FHIT: variants seen among roughly 807,000 people sequenced by gnomAD.
FHIT encodes the protein bis(5'-adenosyl)-triphosphatase.
A neutral mutation model predicts 17.9 loss-of-function variants in FHIT; 19 were observed. That is an observed-to-expected ratio of 1.06 (90% CI 0.74 to 1.56). FHIT has a LOEUF of 1.56. Among genes scored for constraint, FHIT ranks in the 40% most tolerant of loss-of-function variants. FHIT has a pLI of 0.00. For synonymous variants in FHIT, 81 were observed against 69.7 expected, an observed-to-expected ratio of 1.16 and a Z score of -0.81; for missense variants, 248 against 189.2, an observed-to-expected ratio of 1.31 and a Z score of -1.82.
chr3:60,734,752 C>T (rs2042102063), intron 4 of FHIT, among the ~76,000 whole-genome samples: 1 of 152,212 alleles, frequency 6.6e-6, no homozygotes. Context: ...ACAATGCTTC[C>T]ACTTTAATGC....
chr3:60,792,880 A>T (rs1230570229), intron 4 of FHIT, among the ~76,000 whole-genome samples: 1 of 151,854 alleles, frequency 6.6e-6, no homozygotes, highest in Non-Finnish European at 1.5e-5. Flanking sequence ...TTTTGTCAAA[A>T]TGAGCCCCAG....
intron 8 of FHIT, among the ~76,000 whole-genome samples, chr3:59,863,238 G>A (rs1002021745): frequency 6.6e-6 from 1 of 152,196 alleles, no homozygotes; most frequent in Non-Finnish European, 1.5e-5. Context: ...GAACATCAGA[G>A]GGACGTTTCA....
intron 8 of FHIT, among the ~76,000 whole-genome samples, chr3:59,889,359 T>A (rs1446444976): frequency 1.3e-5 from 2 of 152,176 alleles, no homozygotes; most frequent in Non-Finnish European, 2.9e-5. Context: ...TTTGCCTTCT[T>A]AACTGGATTC....
At chr3:60,013,080 G>C (rs760969452) in intron 6 of FHIT, among the ~76,000 whole-genome samples, 3 of 152,102 alleles carry the variant, frequency 2.0e-5, no homozygotes, top group Non-Finnish European at 4.4e-5. Flanking sequence ...TCTTAACACA[G>C]ACATGGCAGC....
intron 5 of FHIT, among the ~76,000 whole-genome samples, chr3:60,513,093 C>A (rs777154637): frequency 2.0e-5 from 3 of 152,156 alleles, no homozygotes; most frequent in Admixed American, 6.5e-5. Context: ...TTGGAAAATG[C>A]AAGCTGAATT....
At chr3:60,922,423 T>C (rs1348168269) in intron 3 of FHIT, among the ~76,000 whole-genome samples, 1 of 152,212 alleles carries the variant, frequency 6.6e-6, no homozygotes, top group East Asian at 1.9e-4. Context: ...CCCATTATCT[T>C]TGACCTTCAC....
At chr3:60,826,372 G>T (rs1702123342) in intron 3 of FHIT, among the ~76,000 whole-genome samples, 1 of 152,040 alleles carries the variant, frequency 6.6e-6, no homozygotes, top group Non-Finnish European at 1.5e-5. Flanking sequence ...TGTTGCCCAG[G>T]CTGAAGTGCA....
intron 8 of FHIT, among the ~76,000 whole-genome samples, chr3:59,914,148 C>A (rs1286568088): frequency 6.6e-6 from 1 of 151,892 alleles, no homozygotes; most frequent in Non-Finnish European, 1.5e-5. Flanking sequence ...TCAACATTAC[C>A]AAAATATTAT....
chr3:60,510,682 A>T (rs903859519), intron 5 of FHIT, among the ~76,000 whole-genome samples: 1 of 152,252 alleles, frequency 6.6e-6, no homozygotes, highest in East Asian at 1.9e-4. Flanking sequence ...GCTGTGGGCA[A>T]TCATGTTACC....
At chr3:61,191,239 A>C (rs1432088387) in intron 2 of FHIT, among the ~76,000 whole-genome samples, 2 of 152,206 alleles carry the variant, frequency 1.3e-5, no homozygotes, top group Non-Finnish European at 2.9e-5. Flanking sequence ...GGGTGAGATT[A>C]GCATTTAAAC....
intron 5 of FHIT, among the ~76,000 whole-genome samples, chr3:60,492,837 T>C (rs1436534752): frequency 1.3e-5 from 2 of 152,274 alleles, no homozygotes; most frequent in South Asian, 2.1e-4. Flanking sequence ...GTAAAAGCCA[T>C]GTGCACAAAA....
intron 8 of FHIT, among the ~76,000 whole-genome samples, chr3:59,899,084 T>C (rs896132674): frequency 6.6e-6 from 1 of 152,142 alleles, no homozygotes; most frequent in Non-Finnish European, 1.5e-5. Context: ...TCCTCCATGT[T>C]CCTCCCAGCC....
Position 60,735,039 on chromosome 3 carries a change from C to T in FHIT, c.-18+86880G>A, listed in dbSNP as rs577846928. 5.3e-5 allele frequency among the ~76,000 whole-genome samples: 8 copies of T among 152,260 alleles called. No individual in the cohort carries two copies. The South Asian group carries it at 1.7e-3, about 32-fold the overall frequency. On this transcript the variant is annotated intron_variant, in intron 4 of 9. Transcript: ENST00000492590. ...AAGAATTACAATGAAAAGCCAATTA[C>T]CTTTAACTATAAGAAACCTTATTTG...
chr3:59,960,284 G>T (rs970893052), intron 7 of FHIT, among the ~76,000 whole-genome samples: 5 of 152,188 alleles, frequency 3.3e-5, no homozygotes, highest in Admixed American at 2.6e-4. Context: ...GGTGATGGTG[G>T]TAGAGATGAG....
At chr3:60,955,634 A>ATATATATATATATATATATATT (rs56807373) in intron 3 of FHIT, among the ~76,000 whole-genome samples, 1 of 34,680 alleles carries the variant, frequency 2.9e-5, no homozygotes, top group African/African-American at 1.2e-4. Flanking sequence ...ATATATATAT[A>ATATATATATATATATATATATT]CACACACACA....
At chr3:60,874,252 C>T (rs1285868462) in intron 3 of FHIT, among the ~76,000 whole-genome samples, 1 of 152,094 alleles carries the variant, frequency 6.6e-6, no homozygotes, top group Non-Finnish European at 1.5e-5. Flanking sequence ...TACATGTTTG[C>T]TGCTATCAGC....
At chr3:60,637,968 G>A (rs2039631375) in intron 4 of FHIT, among the ~76,000 whole-genome samples, 1 of 152,058 alleles carries the variant, frequency 6.6e-6, no homozygotes, top group Non-Finnish European at 1.5e-5. Context: ...AATGTCAAAA[G>A]GACTTGGAGC....
At chr3:60,658,769 G>GA (rs1274694030) in intron 4 of FHIT, among the ~76,000 whole-genome samples, 1 of 151,584 alleles carries the variant, frequency 6.6e-6, no homozygotes, top group African/African-American at 2.4e-5. Flanking sequence ...ATATCATGTA[G>GA]AAAAAAAATG....
intron 8 of FHIT, among the ~76,000 whole-genome samples, chr3:59,776,063 T>G (rs780365): frequency 6.6e-6 from 1 of 152,092 alleles, no homozygotes; most frequent in Non-Finnish European, 1.5e-5. Context: ...TCGAATTGCC[T>G]GCCCAGCTCC....
Sources: gnomAD v4.1 joint callset for allele counts (sites outside exome capture counted in the v4.1 genomes callset) on GRCh38, gnomAD v4.1.1 for gene constraint, MANE v1.5 for transcripts, NCBI Gene and HGNC (gene_info 2026-07-23, HGNC 2026-07-21) for gene names.